Variants in MATN4 observed in about 807,000 individuals in gnomAD.
MATN4 encodes matrilin 4.
A neutral mutation model predicts 54.6 loss-of-function variants in MATN4; 40 were observed. The ratio of observed to expected loss-of-function variants is 0.73; its 90% CI spans 0.57 to 0.95. The LOEUF (loss-of-function observed/expected upper bound fraction) is 0.95. Ranked by LOEUF, MATN4 falls within the 40% of genes least tolerant of loss-of-function variation. The pLI is 0.00. For missense variants in MATN4, 810 were observed against 819.1 expected, an observed-to-expected ratio of 0.99 and a Z score of 0.13; for synonymous variants, 351 against 345.3, an observed-to-expected ratio of 1.02 and a Z score of -0.18.
Position 45,300,929 on chromosome 20 carries a change from G to A in MATN4, c.970C>T (p.Pro324Ser). ...TCTGCCTGAAGTTGCCGCCCCTCGG[G>A]GCACAGGCAGCGGTAGGAGAGGCCC... ...SEGLSYRCLCPEGRQLQADGK... is the reference protein window; with the variant it reads ...SEGLSYRCLCSEGRQLQADGK... The change falls in exon 6 of 10, where the codon CCC becomes TCC. Residue 324 changes from proline (P) to serine (S), a missense_variant. Transcript: ENST00000372756. The A allele has an allele frequency of 6.2e-7, 1 of 1,613,760 alleles. No individual in the cohort carries two copies. The highest frequency in any genetic ancestry group is 8.5e-7 in the Non-Finnish European group (1 of 1,180,032).
At position 45,301,116 on chromosome 20, in the gene MATN4, C is replaced by T; in HGVS notation, c.875G>A (p.Gly292Glu). 1 of 1,614,198 alleles carries T rather than the reference C, an allele frequency of 6.2e-7. No individual in the cohort carries two copies. Among genetic ancestry groups the T allele is most frequent in the South Asian group, 1.1e-5 (1 of 91,086 alleles). Residue 292 changes from glycine to glutamate, a missense_variant, in exon 5 of 10, where the codon GGG becomes GAG. Coordinates refer to ENST00000372756, the MANE Select transcript of MATN4 (RefSeq NM_001393530.1). ...GCCCTCCTCACCCTGACAGCTCCTC[C>T]CATCAGGCTGCAAGTCATGGCCCTC... ...CREGHDLQPD[G>E]RSCQVRDLCN...
chr20:45,308,579 C>A, upstream of MATN4: 1 of 337,268 alleles, frequency 3.0e-6, no homozygotes, highest in Non-Finnish European at 5.7e-6. Context: ...CTGAGGAGAG[C>A]CCCAAGGGGT....
Position 45,304,397 on chromosome 20 carries a change from C to T in MATN4, c.474G>A (p.Ala158=), listed in dbSNP as rs763527334. The T allele has an allele frequency of 1.9e-5, 29 of 1,504,808 alleles. No individual in the cohort carries two copies. The highest frequency in any genetic ancestry group is 9.0e-5 in the Admixed American group (4 of 44,218). The allele number at this position is 1,504,808 out of a possible 1,614,324, so 93.2% of individuals were successfully genotyped here. ...GRPQDRVAEV[A]AQARARGIEI... ...CAATGCCGCGGGCGCGCGCCTGTGCCGCCACCTCGGCCACGCGGTCCTGGG... is the reference window on the plus strand; with the variant it reads ...CAATGCCGCGGGCGCGCGCCTGTGCTGCCACCTCGGCCACGCGGTCCTGGG... The change falls in exon 3 of 10, where the codon GCG becomes GCA. Residue 158 remains alanine, a synonymous_variant. Coordinates refer to ENST00000372756, the MANE Select transcript of MATN4 (RefSeq NM_001393530.1).
chr20:45,302,992 A>G (rs1986327037), intron 3 of MATN4, among the ~76,000 whole-genome samples: 1 of 151,280 alleles, frequency 6.6e-6, no homozygotes, highest in Non-Finnish European at 1.5e-5. Context: ...CTGACACACA[A>G]GAATCACTTG....
At position 45,293,727 on chromosome 20, in the gene MATN4, G is replaced by C. The variant is rs1184440522; in HGVS notation, c.*40C>G. The C allele has an allele frequency of 1.3e-6, 2 of 1,556,868 alleles. No homozygotes were observed. The highest frequency in any genetic ancestry group is 2.3e-5 in the South Asian group (2 of 87,390). ...ATGGCGCGCAAGGGGCACCGTCCGT[G>C]GTGCCGCGCCCCAGCCCGGGTCTGG... is the stretch of plus-strand genomic sequence containing the variant. On this transcript the variant is annotated 3_prime_UTR_variant, in exon 10 of 10. Coordinates refer to ENST00000372756, the MANE Select transcript of MATN4 (RefSeq NM_001393530.1).
rs750582103 is a variant in MATN4, at chr20:45,301,223, G to C, written c.768C>G (p.Ala256=). Residue 256 remains alanine (A), a splice_region_variant and synonymous_variant, in exon 5 of 10, where the codon GCC becomes GCG. Transcript: ENST00000372756. Reference sequence around the variant, plus strand: ...GGTTCCCAAAGCTGCAGTAGTCAATGGCTGGCAGGAGGGAAGAAACAGCAA... The same window carrying C: ...GGTTCCCAAAGCTGCAGTAGTCAATCGCTGGCAGGAGGGAAGAAACAGCAA... The part of the protein sequence containing the change: ...VLQQDQRSCR[A]IDYCSFGNHS... 7 of 1,613,848 alleles carry C rather than the reference G, an allele frequency of 4.3e-6. No homozygotes were observed. The Admixed American group carries it at 1.2e-4, about 27-fold the overall frequency.
chr20:45,308,105 C>T (rs749535992), intron 1 of MATN4, 70 bp downstream of exon 1: 5 of 1,469,014 alleles, frequency 3.4e-6, no homozygotes, highest in Non-Finnish European at 3.8e-6. Context: ...TGCTAAAATA[C>T]ACTCGCCTGA....
At chr20:45,297,697 T>G (rs1985930697) in intron 8 of MATN4, among the ~76,000 whole-genome samples, 1 of 152,184 alleles carries the variant, frequency 6.6e-6, no homozygotes, top group South Asian at 2.1e-4. Context: ...GAAATTCTGA[T>G]TCATTCGGTC....
In MATN4 at chr20:45,305,503, A is replaced by G; in HGVS notation, c.73+7T>C. ...CTCCCACTGGTGAGGGCTGGGCCCCAGTTCACCTGTCAACTGGAGCTGGGT... is the reference window on the plus strand; with the variant it reads ...CTCCCACTGGTGAGGGCTGGGCCCCGGTTCACCTGTCAACTGGAGCTGGGT... On this transcript the variant is annotated splice_region_variant and intron_variant, in intron 2 of 9. Coordinates refer to ENST00000372756, the MANE Select transcript of MATN4 (RefSeq NM_001393530.1). 1 of 1,552,222 alleles carries G rather than the reference A, an allele frequency of 6.4e-7. No individual in the cohort carries two copies. Among genetic ancestry groups the G allele is most frequent in the Non-Finnish European group, 8.7e-7 (1 of 1,147,374 alleles).
chr20:45,307,532 G>A (rs1039728459), intron 1 of MATN4, among the ~76,000 whole-genome samples: 7 of 152,296 alleles, frequency 4.6e-5, no homozygotes, highest in African/African-American at 9.6e-5. Flanking sequence ...GAGGGCTAAG[G>A]CACAAGGGGC....
At position 45,298,409 on chromosome 20, in the gene MATN4, T is replaced by C. The variant is rs1392737389; in HGVS notation, c.1187A>G (p.Glu396Gly). 3 of 1,612,858 alleles carry C rather than the reference T, an allele frequency of 1.9e-6. No individual in the cohort carries two copies. Among genetic ancestry groups the C allele is most frequent in the Non-Finnish European group, 2.5e-6 (3 of 1,179,616 alleles). ...GGTGCCGTAGCGACCCAGAGGGAAC[T>C]CGGTGCGCACGCGGCTCGAGAACTG... ...LVQFSSRVRTEFPLGRYGTAA... is the reference protein window; with the variant it reads ...LVQFSSRVRTGFPLGRYGTAA... Residue 396 changes from glutamate to glycine, a missense_variant, in exon 7 of 10, where the codon GAG becomes GGG. Transcript: ENST00000372756. This position sits in a 1 kb window ranked among gnomAD's most constrained non-coding sequence, Gnocchi z 4.6.
intron 1 of MATN4, among the ~76,000 whole-genome samples, chr20:45,306,626 CCAAAACCCACTGCG>C (rs1986703227): frequency 6.6e-6 from 1 of 152,250 alleles, no homozygotes; most frequent in African/African-American, 2.4e-5. Context: ...AGCGAGTGGA[CCAAAACCCACTGCG>C]CACGAGAACG....
intron 3 of MATN4, chr20:45,303,445 A>G (rs1438422104): frequency 1.4e-6 from 1 of 717,284 alleles, no homozygotes; most frequent in African/African-American, 1.7e-5. Context: ...GGTGCAGTGG[A>G]ACATGGCCCA....
At chr20:45,306,932 G>A (rs1018084958) in intron 1 of MATN4, 18 of 1,255,574 alleles carry the variant, frequency 1.4e-5, no homozygotes, top group Non-Finnish European at 1.6e-5. Flanking sequence ...CATGGACCCC[G>A]CAGGGGCAGC....
intron 8 of MATN4, among the ~76,000 whole-genome samples, chr20:45,296,663 A>G (rs1276074155): frequency 6.6e-6 from 1 of 152,150 alleles, no homozygotes; most frequent in South Asian, 2.1e-4. Flanking sequence ...TGCAGGGCCC[A>G]TAAGAGTCAC....
chr20:45,298,387 G>GC lies in MATN4; in HGVS notation c.1208dup (p.Thr404HisfsTer45), dbSNP rs1986001155. 2 of 1,612,406 alleles carry GC rather than the reference G, an allele frequency of 1.2e-6. No individual in the cohort carries two copies. Among genetic ancestry groups the GC allele is most frequent in the Non-Finnish European group, 1.7e-6 (2 of 1,179,308 alleles). Reference sequence around the variant, plus strand: ...CCGCCTGCTTCACCTCGGCTGCGGTGCCGTAGCGACCCAGAGGGAACTCGG... The same window carrying GC: ...CCGCCTGCTTCACCTCGGCTGCGGTGCCCGTAGCGACCCAGAGGGAACTCGG... On this transcript the variant is annotated frameshift_variant, in exon 7 of 10. Transcript: ENST00000372756. LOFTEE classifies it high-confidence loss of function. The surrounding 1 kb of genome is among the most constrained non-coding windows in gnomAD (Gnocchi z 4.6).
At chr20:45,303,303 C>T (rs1986361635) in intron 3 of MATN4, 1 of 666,552 alleles carries the variant, frequency 1.5e-6, no homozygotes, top group Non-Finnish European at 2.9e-6. Flanking sequence ...AAAGGCCCTT[C>T]CAGACTCATT....
intron 1 of MATN4, chr20:45,307,053 GC>G (rs1288964971): frequency 3.0e-6 from 2 of 673,836 alleles, no homozygotes; most frequent in Non-Finnish European, 4.3e-6. Context: ...CCCCAAGGAG[GC>G]AGCCCGCCGA....
chr20:45,295,776 C>A (rs1215997679), intron 8 of MATN4, among the ~76,000 whole-genome samples: 3 of 152,226 alleles, frequency 2.0e-5, no homozygotes, highest in Non-Finnish European at 4.4e-5. Context: ...TATCTCCCCA[C>A]ACATCAACAT....
Sources: gnomAD v4.1 joint callset for allele counts (sites outside exome capture counted in the v4.1 genomes callset) on GRCh38, gnomAD v4.1.1 for gene constraint, Gnocchi (gnomAD v3.1) non-coding constraint, MANE v1.5 for transcripts, NCBI Gene and HGNC (gene_info 2026-07-23, HGNC 2026-07-21) for gene names.